PPP6R3: variants seen among roughly 807,000 people sequenced by gnomAD.
PPP6R3 encodes the protein protein phosphatase 6 regulatory subunit 3.
PPP6R3 carries 38 observed loss-of-function variants against 110.7 expected under a neutral mutation model. The ratio of observed to expected loss-of-function variants is 0.34; its 90% CI spans 0.26 to 0.45. The LOEUF is 0.45. PPP6R3 is among the 20% of genes least tolerant of loss of function. The probability of loss-of-function intolerance (pLI) is 1.00; values close to 1 mark genes in which losing one functional copy is unlikely to be tolerated. For synonymous variants in PPP6R3, 369 were observed against 373.5 expected, an observed-to-expected ratio of 0.99 and a Z score of 0.14; for missense variants, 870 against 1,062.4, an observed-to-expected ratio of 0.82 and a Z score of 2.52.
At chr11:68,579,882 C>G (rs1208568060) in intron 14 of PPP6R3, among the ~76,000 whole-genome samples, 1 of 152,164 alleles carries the variant, frequency 6.6e-6, no homozygotes, top group Non-Finnish European at 1.5e-5. Flanking sequence ...GCAGATAGCC[C>G]AGGTCTGCAG....
intron 19 of PPP6R3, 79 bp downstream of exon 19, chr11:68,596,297 C>T (rs1593867741): frequency 6.4e-7 from 1 of 1,571,094 alleles, no homozygotes; most frequent in Non-Finnish European, 8.7e-7. Context: ...GAGCAGTTCA[C>T]AGCATCTGAG....
rs534600297 is a variant in PPP6R3 at position 68,516,150 on chromosome 11, C to T, written c.-157-3351C>T. On this transcript the variant is annotated intron_variant, in intron 1 of 23. Transcript: ENST00000393800. ...TCTTTATGGTTCATCTACATTGTAG[C>T]GTATATCAGAATTTCCTGTTCAAGA... Among the ~76,000 whole-genome samples, 11 of 152,240 alleles carry T rather than the reference C, an allele frequency of 7.2e-5. No homozygotes were observed. In the South Asian group the frequency reaches 1.7e-3, roughly 23 times the overall value.
At chr11:68,532,581 T>C (rs2099247058) in intron 2 of PPP6R3, among the ~76,000 whole-genome samples, 1 of 152,230 alleles carries the variant, frequency 6.6e-6, no homozygotes, top group Admixed American at 6.5e-5. Context: ...GCTGCATATA[T>C]TACAGTGCTC....
rs373173741 is a variant in PPP6R3, at chr11:68,571,022, T to G, written c.1279-18T>G. ...TGCTTTGAAGTATTAACTGGAATATTCTTTTTTTTTTTTTCAGCTTTTCCA... is the reference window on the plus strand; with the variant it reads ...TGCTTTGAAGTATTAACTGGAATATGCTTTTTTTTTTTTTCAGCTTTTCCA... On this transcript the variant is annotated intron_variant, in intron 11 of 23. Transcript: ENST00000393800. The G allele has an allele frequency of 1.9e-6, 3 of 1,582,820 alleles. No homozygotes were observed. The highest frequency in any genetic ancestry group is 2.6e-6 in the Non-Finnish European group (3 of 1,167,832).
At chr11:68,601,305 A>T in intron 20 of PPP6R3, among the ~76,000 whole-genome samples, 1 of 152,132 alleles carries the variant, frequency 6.6e-6, no homozygotes. Context: ...CTCTGTGTGC[A>T]CGTCTCTGAG....
chr11:68,530,092 A>T (rs1162515056), intron 2 of PPP6R3, among the ~76,000 whole-genome samples: 3 of 152,206 alleles, frequency 2.0e-5, no homozygotes, highest in African/African-American at 7.2e-5. Flanking sequence ...ATTCTGTTAG[A>T]TACTTTTAAA....
intron 2 of PPP6R3, among the ~76,000 whole-genome samples, chr11:68,532,033 T>C (rs148678097): frequency 3.9e-5 from 6 of 152,222 alleles, no homozygotes; most frequent in Non-Finnish European, 8.8e-5. Context: ...ACAGATAGAC[T>C]GATGTTCTTG....
At chr11:68,491,852 A>G (rs1246464732) in intron 1 of PPP6R3, among the ~76,000 whole-genome samples, 1 of 152,092 alleles carries the variant, frequency 6.6e-6, no homozygotes, top group Non-Finnish European at 1.5e-5. Flanking sequence ...CAGTAACACT[A>G]ACGATAGCTG....
intron 1 of PPP6R3, among the ~76,000 whole-genome samples, chr11:68,462,271 C>G (rs2098713457): frequency 6.6e-6 from 1 of 152,082 alleles, no homozygotes; most frequent in African/African-American, 2.4e-5. Flanking sequence ...TGGTGACTGC[C>G]TTTAGAAAGC....
chr11:68,607,888 C>G (rs1941157358), intron 22 of PPP6R3, among the ~76,000 whole-genome samples: 1 of 152,026 alleles, frequency 6.6e-6, no homozygotes, highest in Non-Finnish European at 1.5e-5. Context: ...GTCCTCCCAC[C>G]TCAGTATCCC....
chr11:68,516,304 C>T (rs1045774013), intron 1 of PPP6R3, among the ~76,000 whole-genome samples: 1 of 152,152 alleles, frequency 6.6e-6, no homozygotes, highest in African/African-American at 2.4e-5. Flanking sequence ...CACACCTGAC[C>T]TCATACAACA....
At chr11:68,566,405 G>A (rs1458620957) in intron 9 of PPP6R3, among the ~76,000 whole-genome samples, 26 of 151,356 alleles carry the variant, frequency 1.7e-4, no homozygotes, top group Admixed American at 1.7e-3. Context: ...TCTTGCTCAG[G>A]CTGGAGTACA....
chr11:68,573,114 T>TTTTATATATATATATA lies in PPP6R3; in HGVS notation c.1344-994_1344-993insTTATATATATATATAT, dbSNP rs1397314086. Among the ~76,000 whole-genome samples, 21 of 61,798 alleles carry TTTTATATATATATATA rather than the reference T, an allele frequency of 3.4e-4. 1 individual carries two copies. In the East Asian group the frequency reaches 0.011, roughly 34 times the overall value. 40.5% of individuals were successfully genotyped at this position (61,798 alleles called of 152,430 possible). A position where few individuals can be genotyped will look rare whatever the true frequency, so the allele number is the denominator to read the frequency against. On this transcript the variant is annotated intron_variant, in intron 12 of 23. Coordinates refer to ENST00000393800, the MANE Select transcript of PPP6R3 (RefSeq NM_001164161.2). Reference sequence around the variant, plus strand: ...TCAGATTAATATGAGTTTACTTATTTTATATATATATATATATATATATAT... The same window carrying TTTTATATATATATATA: ...TCAGATTAATATGAGTTTACTTATTTTTTATATATATATATATATATATATATATATATATATATAT...
intron 18 of PPP6R3, among the ~76,000 whole-genome samples, chr11:68,593,410 C>T (rs2099601655): frequency 6.6e-6 from 1 of 152,126 alleles, no homozygotes; most frequent in Non-Finnish European, 1.5e-5. Flanking sequence ...TAAGAGGATA[C>T]ACTACAGTTT....
At chr11:68,469,043 T>G (rs933067080) in intron 1 of PPP6R3, among the ~76,000 whole-genome samples, 1 of 152,232 alleles carries the variant, frequency 6.6e-6, no homozygotes, top group Non-Finnish European at 1.5e-5. Flanking sequence ...AAATTCTGCA[T>G]TATAACCAGA....
chr11:68,599,968 A>G (rs953682371), intron 19 of PPP6R3, among the ~76,000 whole-genome samples: 7 of 152,196 alleles, frequency 4.6e-5, no homozygotes, highest in African/African-American at 1.7e-4. Flanking sequence ...TAAAAATACA[A>G]AAAATTAGCC....
At chr11:68,476,651 A>G (rs1446663538) in intron 1 of PPP6R3, among the ~76,000 whole-genome samples, 1 of 152,160 alleles carries the variant, frequency 6.6e-6, no homozygotes, top group African/African-American at 2.4e-5. Flanking sequence ...AATTCTGAAT[A>G]TATTCAGATT....
At position 68,604,641 on chromosome 11, in the gene PPP6R3, T is replaced by G. The variant is rs1043801853; in HGVS notation, c.2450+1149T>G. On this transcript the variant is annotated intron_variant, in intron 22 of 23. Coordinates refer to ENST00000393800, the MANE Select transcript of PPP6R3 (RefSeq NM_001164161.2). ...TTCCAATGGAATCTGTAGATAAGGATTAATAGAAAAGTTTAGCAGGTTTAC... is the reference window on the plus strand; with the variant it reads ...TTCCAATGGAATCTGTAGATAAGGAGTAATAGAAAAGTTTAGCAGGTTTAC... 5.3e-5 allele frequency among the ~76,000 whole-genome samples: 8 copies of G among 152,322 alleles called. No homozygotes were observed. In the South Asian group the frequency reaches 1.7e-3, roughly 32 times the overall value.
chr11:68,462,678 G>C (rs1043063982), intron 1 of PPP6R3, among the ~76,000 whole-genome samples: 7 of 152,216 alleles, frequency 4.6e-5, no homozygotes, highest in African/African-American at 1.7e-4. Flanking sequence ...TCTGGTCAGG[G>C]AGTCTAGAAC....
Sources: gnomAD v4.1 joint callset for allele counts (sites outside exome capture counted in the v4.1 genomes callset) on GRCh38, gnomAD v4.1.1 for gene constraint, MANE v1.5 for transcripts, NCBI Gene and HGNC (gene_info 2026-07-23, HGNC 2026-07-21) for gene names.